Variants in ANO4 observed in about 807,000 individuals in gnomAD.
ANO4 encodes the protein anoctamin 4, also known as anoctamin-4.
In ANO4, 69 loss-of-function variants were observed where a neutral mutation model predicts 141.9. The ratio of observed to expected loss-of-function variants is 0.49; its 90% confidence interval spans 0.40 to 0.59. The LOEUF (loss-of-function observed/expected upper bound fraction) is 0.59. Among genes scored for constraint, ANO4 ranks in the 20% least tolerant of loss-of-function variants. ANO4 has a pLI of 0.00. For synonymous variants in ANO4, 350 were observed against 394.3 expected (o/e 0.89, Z 1.33); for missense variants, 894 against 1,162.2 (o/e 0.77, Z 3.36).
intron 5 of ANO4, among the ~76,000 whole-genome samples, chr12:100,953,841 G>C (rs745608787): frequency 6.6e-6 from 1 of 152,022 alleles, no homozygotes; most frequent in Non-Finnish European, 1.5e-5. Flanking sequence ...TATGCAGGCT[G>C]GCATGGGTGT....
chr12:100,991,622 A>G lies in ANO4; in HGVS notation c.734+3952A>G, dbSNP rs561083245. On this transcript the variant is annotated intron_variant, in intron 8 of 27. Coordinates refer to ENST00000392977, the MANE Select transcript of ANO4 (RefSeq NM_001286615.2). ...CGAGATTTTCCAACCTCCACCCCCA[A>G]TTCTGGTTGAGATGTACTCATCTAT... Among the ~76,000 whole-genome samples, 502 of 151,820 alleles carry G rather than the reference A, an allele frequency of 3.3e-3. 3 individuals carry two copies. The highest frequency in any genetic ancestry group is 0.011 in the African/African-American group (468 of 41,448).
At chr12:100,777,906 G>A (rs2033580024) in intron 3 of ANO4, among the ~76,000 whole-genome samples, 1 of 147,018 alleles carries the variant, frequency 6.8e-6, no homozygotes, top group African/African-American at 2.5e-5. Context: ...GTCTTTAGAA[G>A]ATAATGCTTA....
intron 1 of ANO4, among the ~76,000 whole-genome samples, chr12:100,829,426 T>C (rs1382499404): frequency 6.6e-6 from 1 of 152,110 alleles, no homozygotes; most frequent in African/African-American, 2.4e-5. Context: ...TAGAAGTTAA[T>C]TCCTTTCCAC....
intron 5 of ANO4, among the ~76,000 whole-genome samples, chr12:100,949,521 T>A (rs1051605313): frequency 2.0e-5 from 3 of 152,200 alleles, no homozygotes; most frequent in Non-Finnish European, 4.4e-5. Context: ...AAGCATTTAG[T>A]AAACTTCATT....
intron 3 of ANO4, among the ~76,000 whole-genome samples, 200 bp downstream of exon 3, chr12:100,922,530 T>C (rs888924390): frequency 2.6e-5 from 4 of 152,152 alleles, no homozygotes; most frequent in Non-Finnish European, 4.4e-5. Flanking sequence ...TTAAATCACA[T>C]AATAGTGGAA....
intron 14 of ANO4, among the ~76,000 whole-genome samples, chr12:101,073,747 C>T (rs1199228055): frequency 6.6e-6 from 1 of 152,062 alleles, no homozygotes; most frequent in Non-Finnish European, 1.5e-5. Context: ...AACACTACCC[C>T]TGATCCTACC....
At chr12:100,791,101 G>A (rs1207159144), upstream of ANO4, among the ~76,000 whole-genome samples, 1 of 152,186 alleles carries the variant, frequency 6.6e-6, no homozygotes, top group African/African-American at 2.4e-5. Context: ...ATTCAAGGCT[G>A]GGTGTGGTGG....
chr12:100,786,356 G>A (rs970424990), intron 3 of ANO4, among the ~76,000 whole-genome samples: 1 of 152,124 alleles, frequency 6.6e-6, no homozygotes, highest in African/African-American at 2.4e-5. Flanking sequence ...GAAAAGGTGG[G>A]GGGGAATTAA....
intron 1 of ANO4, among the ~76,000 whole-genome samples, chr12:100,893,213 AAG>A (rs1485980145): frequency 6.6e-6 from 1 of 151,448 alleles, no homozygotes; most frequent in African/African-American, 2.5e-5. Flanking sequence ...AGGGCTATGA[AAG>A]AGAGCATTTC....
At chr12:101,003,946 CA>C (rs945372655) in intron 8 of ANO4, among the ~76,000 whole-genome samples, 3 of 151,890 alleles carry the variant, frequency 2.0e-5, no homozygotes, top group African/African-American at 7.3e-5. Context: ...AATTCCAAAT[CA>C]AAAATCTATC....
At chr12:101,007,226 GC>G (rs1039964895) in intron 8 of ANO4, among the ~76,000 whole-genome samples, 71 of 152,258 alleles carry the variant, frequency 4.7e-4, no homozygotes, top group Middle Eastern at 3.4e-3. Context: ...GATGGCATGC[GC>G]CTGTAGGCCT....
chr12:101,066,884 A>G, intron 14 of ANO4: 3 of 975,630 alleles, frequency 3.1e-6, no homozygotes, highest in Non-Finnish European at 5.0e-6. Context: ...TACAGTGCAC[A>G]CAAAGACCAC....
intron 9 of ANO4, among the ~76,000 whole-genome samples, chr12:101,036,864 G>A (rs1318402231): frequency 6.6e-6 from 1 of 152,112 alleles, no homozygotes; most frequent in Non-Finnish European, 1.5e-5. Flanking sequence ...TATAAACTTT[G>A]AATAGATTCG....
chr12:100,732,270 A>T (rs886322868), intron 1 of ANO4, among the ~76,000 whole-genome samples: 2 of 152,160 alleles, frequency 1.3e-5, no homozygotes, highest in African/African-American at 4.8e-5. Flanking sequence ...GGCCATTCTA[A>T]TAAATGTGTA....
At chr12:100,763,132 G>A (rs1452212771) in intron 3 of ANO4, among the ~76,000 whole-genome samples, 2 of 152,136 alleles carry the variant, frequency 1.3e-5, no homozygotes, top group Non-Finnish European at 2.9e-5. Flanking sequence ...TGCTTGGCTT[G>A]CCTTTAGAAT....
At chr12:100,922,479 T>G (rs1480280443) in intron 3 of ANO4, 149 bp downstream of exon 3, 1 of 580,314 alleles carries the variant, frequency 1.7e-6, no homozygotes, top group Non-Finnish European at 2.9e-6. Context: ...AAAATAATTT[T>G]GAAACTAGAA....
Position 101,111,573 on chromosome 12 carries a change from T to C in ANO4, c.2313T>C (p.Tyr771=), listed in dbSNP as rs749722561. ...CTTCTATTTGAATAGGAATTTGGTA[T>C]GGAATTCTTGAAGGCATTGGAATTC... The part of the protein sequence containing the change: ...ASRAKDIGIW[Y]GILEGIGILS... The change falls in exon 24 of 28, where the codon TAT becomes TAC. Residue 771 remains tyrosine, a synonymous_variant. Coordinates refer to ENST00000392977, the MANE Select transcript of ANO4 (RefSeq NM_001286615.2). 4 of 1,605,492 alleles carry C rather than the reference T, an allele frequency of 2.5e-6. No homozygotes were observed. The South Asian group carries it at 3.4e-5, about 13-fold the overall frequency.
chr12:100,888,279 G>A (rs1480859309), intron 1 of ANO4, among the ~76,000 whole-genome samples: 2 of 152,184 alleles, frequency 1.3e-5, no homozygotes, highest in Admixed American at 1.3e-4. Context: ...CACAGTGAGG[G>A]TTCAGTTAGG....
chr12:100,763,039 A>G (rs1395418097), intron 3 of ANO4, among the ~76,000 whole-genome samples: 1 of 152,216 alleles, frequency 6.6e-6, no homozygotes, highest in Non-Finnish European at 1.5e-5. Flanking sequence ...TTTGCCCAAG[A>G]CATGGAACCT....
Sources: allele counts gnomAD v4.1 joint callset (sites outside exome capture counted in the v4.1 genomes callset), GRCh38; gene constraint gnomAD v4.1.1; transcripts MANE v1.5; gene names NCBI Gene and HGNC (gene_info 2026-07-23, HGNC 2026-07-21).